Variants in CTNNA2 observed in about 807,000 individuals in gnomAD.
CTNNA2 encodes catenin alpha-2.
In CTNNA2, 42 loss-of-function variants were observed where a neutral mutation model predicts 101.0. The ratio of observed to expected loss-of-function variants is 0.42; its 90% CI spans 0.32 to 0.54. The LOEUF is 0.54. CTNNA2 is among the 20% of genes least tolerant of loss of function. The pLI, the probability that CTNNA2 is intolerant of heterozygous loss-of-function variation, is 0.14. For synonymous variants in CTNNA2, 450 were observed against 456.4 expected (o/e 0.99, Z 0.18); for missense variants, 871 against 1,223.1 (o/e 0.71, Z 4.29).
chr2:79,696,432 A>G (rs1430322887), intron 2 of CTNNA2, among the ~76,000 whole-genome samples: 1 of 152,024 alleles, frequency 6.6e-6, no homozygotes, highest in African/African-American at 2.4e-5. Flanking sequence ...GTTTCTTGAT[A>G]TCCTCTTGGT....
At chr2:79,257,866 C>A (rs1174099463) in intron 2 of CTNNA2, among the ~76,000 whole-genome samples, 1 of 151,844 alleles carries the variant, frequency 6.6e-6, no homozygotes, top group Non-Finnish European at 1.5e-5. Flanking sequence ...AATCCAAAAT[C>A]AAGATGTCAG....
At chr2:79,800,906 G>C (rs943720160) in intron 3 of CTNNA2, among the ~76,000 whole-genome samples, 5 of 152,152 alleles carry the variant, frequency 3.3e-5, no homozygotes, top group Admixed American at 3.3e-4. Context: ...TGGTTATGGA[G>C]ATTTACTGAA....
In CTNNA2 at chr2:80,012,776, T is replaced by G. The variant is rs369474645; in HGVS notation, c.1056+102979T>G. On this transcript the variant is annotated intron_variant, in intron 7 of 18. Coordinates refer to ENST00000402739, the MANE Select transcript of CTNNA2 (RefSeq NM_001282597.3). The stretch of plus-strand genomic sequence containing the variant: ...AACTCCAATTTAGTCTTTCCTTATC[T>G]GCCACTCATGAGAATAGATAAAATA... 6.6e-5 allele frequency among the ~76,000 whole-genome samples: 10 copies of G among 152,348 alleles called. No homozygotes were observed. In the East Asian group the frequency reaches 1.4e-3, roughly 21 times the overall value.
intron 3 of CTNNA2, among the ~76,000 whole-genome samples, chr2:79,331,791 A>T (rs1469574430): frequency 6.6e-6 from 1 of 152,224 alleles, no homozygotes; most frequent in Non-Finnish European, 1.5e-5. Context: ...CTGAAGGCTA[A>T]TTATCAAAAG....
At chr2:79,727,284 T>C (rs1175969500) in intron 2 of CTNNA2, among the ~76,000 whole-genome samples, 1 of 152,040 alleles carries the variant, frequency 6.6e-6, no homozygotes, top group Non-Finnish European at 1.5e-5. Context: ...CCAAAGAAAG[T>C]GTACATATGA....
intron 7 of CTNNA2, among the ~76,000 whole-genome samples, chr2:79,967,530 A>G (rs958958110): frequency 1.3e-5 from 2 of 152,200 alleles, no homozygotes; most frequent in Non-Finnish European, 1.5e-5. Flanking sequence ...TCTTTTATAA[A>G]TGCACGTGAA....
intron 3 of CTNNA2, among the ~76,000 whole-genome samples, chr2:79,357,212 G>A (rs1209564541): frequency 6.6e-6 from 1 of 152,120 alleles, no homozygotes; most frequent in Non-Finnish European, 1.5e-5. Flanking sequence ...TGTGGTTTCA[G>A]CTACTTGGGA....
chr2:80,549,742 AGT>A (rs1209376955), intron 11 of CTNNA2, among the ~76,000 whole-genome samples: 1 of 152,144 alleles, frequency 6.6e-6, no homozygotes, highest in South Asian at 2.1e-4. Flanking sequence ...TCAGAATAAA[AGT>A]GTGTAATTGA....
chr2:79,680,053 A>G (rs1019601744), intron 2 of CTNNA2, among the ~76,000 whole-genome samples: 1 of 152,008 alleles, frequency 6.6e-6, no homozygotes, highest in South Asian at 2.1e-4. Context: ...AAGAGAAAGC[A>G]ATGGTAAAAT....
chr2:80,390,101 A>G (rs1677369700), intron 7 of CTNNA2, among the ~76,000 whole-genome samples: 1 of 152,208 alleles, frequency 6.6e-6, no homozygotes, highest in Admixed American at 6.5e-5. Flanking sequence ...CTGCCTTCCC[A>G]GAACCACCTT....
chr2:80,532,014 CA>C (rs1272847729), intron 9 of CTNNA2, among the ~76,000 whole-genome samples: 1 of 152,046 alleles, frequency 6.6e-6, no homozygotes, highest in African/African-American at 2.4e-5. Context: ...CAGTCATAGG[CA>C]ATATGTATAA....
intron 7 of CTNNA2, among the ~76,000 whole-genome samples, chr2:80,327,960 C>T (rs994660588): frequency 6.6e-5 from 10 of 152,122 alleles, no homozygotes; most frequent in African/African-American, 2.2e-4. Flanking sequence ...ATGTTACTTT[C>T]TCTGTTTTCC....
At chr2:79,468,427 A>G (rs1188454873) in intron 4 of CTNNA2, among the ~76,000 whole-genome samples, 2 of 152,098 alleles carry the variant, frequency 1.3e-5, no homozygotes. Flanking sequence ...CACAATAATA[A>G]TGGGAGACTT....
chr2:79,959,417 C>A (rs1349739995), intron 7 of CTNNA2, among the ~76,000 whole-genome samples: 1 of 152,174 alleles, frequency 6.6e-6, no homozygotes, highest in Non-Finnish European at 1.5e-5. Flanking sequence ...CATTCTGTAG[C>A]CTGATAATCC....
chr2:79,740,247 T>C lies in CTNNA2; in HGVS notation c.103-4140T>C, dbSNP rs537784656. Among the ~76,000 whole-genome samples, 216 of 152,302 alleles carry C rather than the reference T, an allele frequency of 1.4e-3. 2 individuals are homozygous for C. The highest frequency in any genetic ancestry group is 8.5e-3 in the South Asian group (41 of 4,828). On this transcript the variant is annotated intron_variant, in intron 2 of 18. Coordinates refer to ENST00000402739, the MANE Select transcript of CTNNA2 (RefSeq NM_001282597.3). Reference sequence around the variant, plus strand: ...GTCTGAATCATTTAGCTCCCACTTGTAAGTGAGAACATGCAGTATTCGATT... The same window carrying C: ...GTCTGAATCATTTAGCTCCCACTTGCAAGTGAGAACATGCAGTATTCGATT...
At chr2:79,559,675 A>G (rs1674654708) in intron 1 of CTNNA2, among the ~76,000 whole-genome samples, 1 of 151,898 alleles carries the variant, frequency 6.6e-6, no homozygotes, top group African/African-American at 2.4e-5. Context: ...GGATGGACAG[A>G]GAGTACGTGG....
chr2:80,269,278 A>G (rs1673263376), intron 7 of CTNNA2, among the ~76,000 whole-genome samples: 1 of 152,110 alleles, frequency 6.6e-6, no homozygotes, highest in African/African-American at 2.4e-5. Context: ...GTAAATGCTC[A>G]CAAGATTGGA....
At chr2:79,892,416 T>TAA (rs145019981) in intron 6 of CTNNA2, among the ~76,000 whole-genome samples, 1 of 151,432 alleles carries the variant, frequency 6.6e-6, no homozygotes, top group African/African-American at 2.4e-5. Flanking sequence ...TTACCTGTAT[T>TAA]AAAAAAAAAC....
chr2:80,184,133 CA>C (rs1002382536), intron 7 of CTNNA2, among the ~76,000 whole-genome samples: 5 of 150,808 alleles, frequency 3.3e-5, no homozygotes, highest in Admixed American at 1.3e-4. Flanking sequence ...GGAAATTATG[CA>C]AAAAAAACCT....
Sources: gnomAD v4.1 joint callset for allele counts (sites outside exome capture counted in the v4.1 genomes callset) on GRCh38, gnomAD v4.1.1 for gene constraint, MANE v1.5 for transcripts, NCBI Gene and HGNC (gene_info 2026-07-23, HGNC 2026-07-21) for gene names.